PLPP1: variants seen among roughly 807,000 people sequenced by gnomAD.
PLPP1 encodes the protein lipid phosphate phosphohydrolase 1a.
In PLPP1, 24 loss-of-function variants were observed where a neutral mutation model predicts 31.2. That is an observed-to-expected ratio of 0.77 (90% CI 0.56 to 1.08). The LOEUF (loss-of-function observed/expected upper bound fraction) is 1.08. PLPP1 is among the 50% of genes least tolerant of loss of function. The pLI, the probability that PLPP1 is intolerant of heterozygous loss-of-function variation, is 0.00. For missense variants in PLPP1, 319 were observed against 342.7 expected (o/e 0.93, Z 0.55); for synonymous variants, 146 against 126.3 (o/e 1.16, Z -1.05).
At chr5:55,462,281 C>T (rs1397473157) in intron 3 of PLPP1, among the ~76,000 whole-genome samples, 2 of 152,162 alleles carry the variant, frequency 1.3e-5, no homozygotes, top group African/African-American at 2.4e-5. Flanking sequence ...GTATGGTATT[C>T]GCATGAGAGG....
intron 1 of PLPP1, among the ~76,000 whole-genome samples, chr5:55,500,987 G>C (rs1753130006): frequency 6.6e-6 from 1 of 152,080 alleles, no homozygotes; most frequent in Admixed American, 6.6e-5. Flanking sequence ...ATTGAAACTA[G>C]AGCAAAGGAA....
At chr5:55,473,456 T>C (rs1752465415) in intron 2 of PLPP1, among the ~76,000 whole-genome samples, 1 of 152,194 alleles carries the variant, frequency 6.6e-6, no homozygotes, top group Non-Finnish European at 1.5e-5. Context: ...GGTTTTCTTT[T>C]ATTAATTATG....
chr5:55,530,604 C>T (rs35984984), intron 1 of PLPP1: 55 of 1,445,360 alleles, frequency 3.8e-5, no homozygotes, highest in Non-Finnish European at 5.1e-5. Flanking sequence ...AAGTCTCATG[C>T]GATAGAATTT....
intron 3 of PLPP1, among the ~76,000 whole-genome samples, chr5:55,459,795 C>A (rs1054854700): frequency 4.6e-5 from 7 of 152,082 alleles, no homozygotes; most frequent in Non-Finnish European, 1.0e-4. Flanking sequence ...ATTGAGCATG[C>A]CTGCCTTTCC....
intron 1 of PLPP1, among the ~76,000 whole-genome samples, chr5:55,513,373 G>T (rs1753483190): frequency 6.6e-6 from 1 of 150,742 alleles, no homozygotes; most frequent in Non-Finnish European, 1.5e-5. Context: ...CGATTCTCCT[G>T]CCTCAGCTTC....
intron 1 of PLPP1, among the ~76,000 whole-genome samples, chr5:55,495,000 G>A (rs572272537): frequency 1.4e-4 from 21 of 151,408 alleles, no homozygotes; most frequent in South Asian, 4.2e-4. Context: ...GCATGGTGGC[G>A]GGCACCCAAA....
intron 1 of PLPP1, among the ~76,000 whole-genome samples, chr5:55,522,636 T>C (rs1219186212): frequency 6.6e-6 from 1 of 152,230 alleles, no homozygotes; most frequent in Non-Finnish European, 1.5e-5. Flanking sequence ...ACATCATAAC[T>C]AGTTAAACAT....
chr5:55,490,608 G>C (rs1277348676), intron 1 of PLPP1, among the ~76,000 whole-genome samples: 1 of 152,052 alleles, frequency 6.6e-6, no homozygotes, highest in Non-Finnish European at 1.5e-5. Context: ...CATAATCTTA[G>C]TTTCAGCTCT....
intron 4 of PLPP1, among the ~76,000 whole-genome samples, chr5:55,431,645 G>A (rs1751351541): frequency 6.6e-6 from 1 of 151,898 alleles, no homozygotes; most frequent in Non-Finnish European, 1.5e-5. Flanking sequence ...ACCAATAAAC[G>A]CCCACATCAA....
intron 1 of PLPP1, among the ~76,000 whole-genome samples, chr5:55,520,180 G>A (rs1046759463): frequency 9.2e-5 from 14 of 152,132 alleles, no homozygotes; most frequent in African/African-American, 3.4e-4. Context: ...CCTTGTCTAT[G>A]AGCTGTGGGA....
chr5:55,435,224 CA>C (rs967105564), intron 4 of PLPP1, among the ~76,000 whole-genome samples: 40 of 151,856 alleles, frequency 2.6e-4, no homozygotes, highest in African/African-American at 8.7e-4. Context: ...TTAAAAAGAC[CA>C]AAAAAACATT....
At chr5:55,430,417 A>G (rs1751319999) in intron 4 of PLPP1, among the ~76,000 whole-genome samples, 1 of 152,216 alleles carries the variant, frequency 6.6e-6, no homozygotes, top group Non-Finnish European at 1.5e-5. Flanking sequence ...ATCTCCAGCA[A>G]ATGCTTCATT....
At chr5:55,448,124 T>A (rs1258935924) in intron 3 of PLPP1, among the ~76,000 whole-genome samples, 1 of 152,192 alleles carries the variant, frequency 6.6e-6, no homozygotes, top group Non-Finnish European at 1.5e-5. Flanking sequence ...AACATAAACT[T>A]TTCCTAAGTA....
intron 1 of PLPP1, among the ~76,000 whole-genome samples, chr5:55,479,069 G>C (rs1010050344): frequency 3.3e-5 from 5 of 149,946 alleles, no homozygotes; most frequent in Non-Finnish European, 5.9e-5. Context: ...TTGCTGCCCA[G>C]GCTGGAGTGC....
At chr5:55,462,395 T>A (rs576629991) in intron 3 of PLPP1, among the ~76,000 whole-genome samples, 54 of 151,900 alleles carry the variant, frequency 3.6e-4, no homozygotes, top group African/African-American at 1.2e-3. Context: ...GTGAAAATGT[T>A]TTTTTTCGGT....
intron 2 of PLPP1, among the ~76,000 whole-genome samples, chr5:55,472,727 GGA>G (rs1270142467): frequency 7.0e-6 from 1 of 143,688 alleles, no homozygotes; most frequent in Non-Finnish European, 1.5e-5. Flanking sequence ...AGAGAGAAGA[GGA>G]AGAGGAGGAA....
intron 3 of PLPP1, among the ~76,000 whole-genome samples, chr5:55,467,250 C>T (rs1752322068): frequency 1.3e-5 from 2 of 152,290 alleles, no homozygotes; most frequent in Admixed American, 1.3e-4. Flanking sequence ...CAAACTTTGA[C>T]CCCTGTGGCA....
At chr5:55,515,072 CTAAA>C in intron 1 of PLPP1, among the ~76,000 whole-genome samples, 1 of 152,304 alleles carries the variant, frequency 6.6e-6, no homozygotes, top group Non-Finnish European at 1.5e-5. Flanking sequence ...CTCTTTAGGA[CTAAA>C]TAATCAACTG....
intron 4 of PLPP1, among the ~76,000 whole-genome samples, chr5:55,434,793 C>T (rs888343794): frequency 5.9e-5 from 9 of 152,010 alleles, no homozygotes; most frequent in Non-Finnish European, 1.2e-4. Flanking sequence ...AGACCTGAAA[C>T]GATAAAACTA....
Sources: gnomAD v4.1 joint callset for allele counts (sites outside exome capture counted in the v4.1 genomes callset) on GRCh38, gnomAD v4.1.1 for gene constraint, MANE v1.5 for transcripts, NCBI Gene and HGNC (gene_info 2026-07-23, HGNC 2026-07-21) for gene names.